ROBO2: variants seen among roughly 807,000 people sequenced by gnomAD.
The protein encoded by ROBO2 is roundabout homolog 2.
In ROBO2, 53 loss-of-function variants were observed where a neutral mutation model predicts 160.8. The ratio of observed to expected loss-of-function variants is 0.33; its 90% CI spans 0.26 to 0.41. The LOEUF (loss-of-function observed/expected upper bound fraction) is 0.41. ROBO2 is among the 10% of genes least tolerant of loss of function. ROBO2 has a pLI of 1.00. For missense variants in ROBO2, 1,577 were observed against 1,722.4 expected, an observed-to-expected ratio of 0.92 and a Z score of 1.49; for synonymous variants, 664 against 611.7, an observed-to-expected ratio of 1.09 and a Z score of -1.26.
intron 2 of ROBO2, among the ~76,000 whole-genome samples, chr3:76,602,325 C>T (rs572614268): frequency 3.9e-5 from 6 of 152,294 alleles, no homozygotes; most frequent in South Asian, 2.1e-4. Context: ...GTTCCAAAGT[C>T]GCTTCCACAT....
At chr3:76,272,947 A>T (rs867664901) in intron 2 of ROBO2, among the ~76,000 whole-genome samples, 1,239 of 24,720 alleles carry the variant, frequency 0.05, 100 homozygotes, top group Middle Eastern at 0.11. Flanking sequence ...AATATATAAA[A>T]TATATAATAT....
rs1466722917 is a variant in ROBO2 at position 76,272,882 on chromosome 3, TTA to T, written c.109+335287_109+335288del. On this transcript the variant is annotated intron_variant, in intron 2 of 26. Transcript: ENST00000487694. The stretch of plus-strand genomic sequence containing the variant: ...AATATATAAAATATATAATATATAT[TTA>T]TATATAAAAATATAATATATATTTA... 6.8e-4 allele frequency among the ~76,000 whole-genome samples: 11 copies of T among 16,216 alleles called. 1 individual carries two copies. The highest frequency in any genetic ancestry group is 9.7e-4 in the Non-Finnish European group (8 of 8,234). 10.6% of individuals were successfully genotyped at this position (16,216 alleles called of 152,430 possible).
intron 2 of ROBO2, among the ~76,000 whole-genome samples, chr3:77,354,112 G>T (rs536033321): frequency 6.6e-6 from 1 of 152,152 alleles, no homozygotes; most frequent in African/African-American, 2.4e-5. Context: ...TGAGGATGTT[G>T]TTCTCTGCCT....
At chr3:77,277,119 CCCTT>C (rs754371905) in intron 2 of ROBO2, among the ~76,000 whole-genome samples, 6 of 146,840 alleles carry the variant, frequency 4.1e-5, no homozygotes, top group East Asian at 2.1e-4. Context: ...TAAAAATGCA[CCCTT>C]CCTTCCTTCC....
At chr3:77,622,347 G>A (rs1421602011) in exon 23 of ROBO2, 4 of 1,614,086 alleles carry the variant, frequency 2.5e-6, no homozygotes, top group Non-Finnish European at 3.4e-6. Context: ...ACGACGAAGA[G>A]GAAGCTTTAG....
chr3:77,541,452 A>G (rs951426967), intron 6 of ROBO2, among the ~76,000 whole-genome samples: 9 of 152,222 alleles, frequency 5.9e-5, no homozygotes, highest in African/African-American at 9.6e-5. Context: ...GCAGTATCAA[A>G]GCATCATTTA....
chr3:76,685,063 T>A (rs1393040229), intron 2 of ROBO2, among the ~76,000 whole-genome samples: 4 of 152,040 alleles, frequency 2.6e-5, no homozygotes, highest in Non-Finnish European at 5.9e-5. Flanking sequence ...AGGACATTTT[T>A]TCAATAAAAC....
At position 77,057,974 on chromosome 3, in the gene ROBO2, G is replaced by A. The variant is rs1046465540; in HGVS notation, c.61+17128G>A. ...GCTGCACGTTCTGCACATGTATCCA[G>A]AACTTAAAGTAAAATTAAAAAAAAA... On this transcript the variant is annotated intron_variant, in intron 1 of 25. Transcript: ENST00000461745. Among the ~76,000 whole-genome samples, 6 of 151,852 alleles carry A rather than the reference G, an allele frequency of 4.0e-5. No individual in the cohort carries two copies. In the South Asian group the frequency reaches 1.2e-3, roughly 32 times the overall value.
intron 2 of ROBO2, among the ~76,000 whole-genome samples, chr3:76,398,215 T>C (rs2077583788): frequency 6.6e-6 from 1 of 151,144 alleles, no homozygotes; most frequent in Non-Finnish European, 1.5e-5. Context: ...TTCAGTAAAC[T>C]ATCGCAAGGA....
chr3:76,193,162 G>T (rs149569975), intron 2 of ROBO2, among the ~76,000 whole-genome samples: 4 of 151,888 alleles, frequency 2.6e-5, no homozygotes, highest in Non-Finnish European at 5.9e-5. Context: ...TAAAATACTG[G>T]TTATCTGTAA....
intron 2 of ROBO2, among the ~76,000 whole-genome samples, chr3:76,646,804 T>C (rs185000774): frequency 6.6e-6 from 1 of 152,262 alleles, no homozygotes; most frequent in African/African-American, 2.4e-5. Context: ...ATTATTTAAA[T>C]AGAGATATTT....
rs2075660277 is a variant in ROBO2, at chr3:76,907,130, A to G, written c.110-190884A>G. Among the ~76,000 whole-genome samples, 8 of 152,142 alleles carry G rather than the reference A, an allele frequency of 5.3e-5. No individual in the cohort carries two copies. In the South Asian group the frequency reaches 1.7e-3, roughly 31 times the overall value. ...GAATACATGGATGAATGAATGAATG[A>G]ATGGATGGATGAGCAAGTTAAGGCA... On this transcript the variant is annotated intron_variant, in intron 2 of 26. Transcript: ENST00000487694.
At chr3:76,311,010 A>C (rs1218543253) in intron 2 of ROBO2, 1 of 152,100 alleles carries the variant, frequency 6.6e-6, no homozygotes, top group Non-Finnish European at 1.5e-5. Flanking sequence ...AATCAAGCTC[A>C]CCCAGAACAC....
chr3:76,187,662 C>T (rs1317807176), intron 2 of ROBO2, among the ~76,000 whole-genome samples: 1 of 152,056 alleles, frequency 6.6e-6, no homozygotes, highest in African/African-American at 2.4e-5. Flanking sequence ...TTTATTCAAA[C>T]CAGAAACAGG....
intron 2 of ROBO2, among the ~76,000 whole-genome samples, chr3:77,232,433 A>G (rs1037384616): frequency 1.3e-5 from 2 of 152,126 alleles, no homozygotes; most frequent in African/African-American, 4.8e-5. Context: ...GTGAGAGACA[A>G]GAATGGTGAA....
At chr3:77,388,975 A>C (rs1246583671) in intron 2 of ROBO2, among the ~76,000 whole-genome samples, 1 of 152,034 alleles carries the variant, frequency 6.6e-6, no homozygotes, top group African/African-American at 2.4e-5. Flanking sequence ...ACAGAGTTTC[A>C]CTCTTGTTGC....
At chr3:76,121,662 G>C (rs1332219215) in intron 2 of ROBO2, among the ~76,000 whole-genome samples, 2 of 152,016 alleles carry the variant, frequency 1.3e-5, no homozygotes, top group Non-Finnish European at 2.9e-5. Context: ...ATTGGATGCT[G>C]GCATTTTACT....
At position 77,514,971 on chromosome 3, in the gene ROBO2, A is replaced by G. The variant is rs544962704; in HGVS notation, c.807-7804A>G. ...CACAAGAGTTTTTTCCCCAACTATA[A>G]CTGCCTCCATATGTGGTTTTGGGAA... On this transcript the variant is annotated intron_variant, in intron 5 of 25. Coordinates refer to ENST00000461745, the Ensembl canonical transcript of ROBO2. Among the ~76,000 whole-genome samples, 5 of 151,818 alleles carry G rather than the reference A, an allele frequency of 3.3e-5. No homozygotes were observed. The South Asian group carries it at 8.3e-4, about 25-fold the overall frequency.
intron 2 of ROBO2, among the ~76,000 whole-genome samples, chr3:77,312,045 C>T (rs140727424): frequency 1.5e-3 from 232 of 151,948 alleles, no homozygotes; most frequent in African/African-American, 5.4e-3. Context: ...GAGATCACCC[C>T]ATTGCACTCC....
Sources: allele counts gnomAD v4.1 joint callset (sites outside exome capture counted in the v4.1 genomes callset), GRCh38; gene constraint gnomAD v4.1.1; transcripts MANE v1.5; gene names NCBI Gene and HGNC (gene_info 2026-07-23, HGNC 2026-07-21).